The following CSMD1 variants were observed in gnomAD, a reference collection of about 807,000 sequenced individuals.
CSMD1 encodes the protein CUB and sushi domain-containing protein 1.
In CSMD1, 213 loss-of-function variants were observed where a neutral mutation model predicts 417.5. The ratio of observed to expected loss-of-function variants is 0.51; its 90% CI spans 0.46 to 0.57. The LOEUF is 0.57. Ranked by LOEUF, CSMD1 falls within the 20% of genes least tolerant of loss-of-function variation. The probability of loss-of-function intolerance (pLI) is 0.00; values close to 1 mark genes in which losing one functional copy is unlikely to be tolerated. For missense variants in CSMD1, 6,923 were observed against 4,529.7 expected, an observed-to-expected ratio of 1.53 and a Z score of -15.17; for synonymous variants, 2,862 against 1,736.8, an observed-to-expected ratio of 1.65 and a Z score of -16.11.
intron 1 of CSMD1, among the ~76,000 whole-genome samples, chr8:4,708,260 C>A (rs1271873303): frequency 6.6e-6 from 1 of 152,154 alleles, no homozygotes; most frequent in Non-Finnish European, 1.5e-5. Flanking sequence ...TTCAGTGTGA[C>A]TCTTGATTCC....
chr8:3,917,489 G>C (rs1360430710), intron 5 of CSMD1, among the ~76,000 whole-genome samples: 2 of 151,924 alleles, frequency 1.3e-5, no homozygotes, highest in Admixed American at 6.6e-5. Flanking sequence ...TGAAAGTTTT[G>C]TTAAAAGATA....
chr8:3,986,424 C>A (rs1452804550), intron 5 of CSMD1, among the ~76,000 whole-genome samples: 1 of 152,164 alleles, frequency 6.6e-6, no homozygotes, highest in East Asian at 1.9e-4. Flanking sequence ...TACGTTTCCA[C>A]TTCAAGGTGA....
intron 47 of CSMD1, among the ~76,000 whole-genome samples, chr8:3,095,977 G>C (rs1240965091): frequency 2.0e-5 from 3 of 152,012 alleles, no homozygotes; most frequent in African/African-American, 7.2e-5. Flanking sequence ...AACTCCTGTA[G>C]CATTTATCAT....
Position 3,585,272 on chromosome 8 carries a change from T to C in CSMD1, c.1222+864A>G, listed in dbSNP as rs184596163. ...TGCTTGTTGTACCTTTTTTAATAAC[T>C]AAAATGCTTAAAAGTTTAAAATGTA... is the stretch of plus-strand genomic sequence containing the variant. On this transcript the variant is annotated intron_variant, in intron 9 of 69. Coordinates refer to ENST00000635120, the MANE Select transcript of CSMD1 (RefSeq NM_033225.6). Among the ~76,000 whole-genome samples the C allele has an allele frequency of 2.6e-4, 39 of 152,328 alleles. 1 individual carries two copies. The highest frequency in any genetic ancestry group is 1.9e-3 in the East Asian group (10 of 5,180).
At chr8:3,968,931 T>A (rs549675583) in intron 5 of CSMD1, among the ~76,000 whole-genome samples, 1 of 152,154 alleles carries the variant, frequency 6.6e-6, no homozygotes, top group Admixed American at 6.5e-5. Flanking sequence ...TTTCAAGGCA[T>A]TGAAACCGAC....
chr8:4,476,032 A>G (rs1260045191), intron 2 of CSMD1, among the ~76,000 whole-genome samples: 2 of 152,088 alleles, frequency 1.3e-5, no homozygotes, highest in Admixed American at 1.3e-4. Context: ...AAAGCAATGT[A>G]TTATTTAGAA....
intron 40 of CSMD1, among the ~76,000 whole-genome samples, chr8:3,145,823 C>T (rs567979063): frequency 1.3e-5 from 2 of 152,264 alleles, no homozygotes; most frequent in East Asian, 1.9e-4. Context: ...TGAATACTTA[C>T]CTTTGGTGGA....
chr8:3,770,291 G>T (rs1272653571), intron 5 of CSMD1, among the ~76,000 whole-genome samples: 2 of 152,152 alleles, frequency 1.3e-5, no homozygotes, highest in Admixed American at 6.5e-5. Context: ...ACTTTGGGAG[G>T]CCGAGGGCGG....
At chr8:3,202,012 G>A (rs1310858188) in intron 31 of CSMD1, among the ~76,000 whole-genome samples, 1 of 152,008 alleles carries the variant, frequency 6.6e-6, no homozygotes, top group African/African-American at 2.4e-5. Context: ...ACAACATTAA[G>A]AATATATGGG....
At chr8:2,992,239 C>G (rs527240531) in intron 54 of CSMD1, among the ~76,000 whole-genome samples, 25 of 152,042 alleles carry the variant, frequency 1.6e-4, no homozygotes, top group South Asian at 4.2e-4. Flanking sequence ...ATGCCACACT[C>G]ATTGCTGGGA....
At chr8:3,153,949 G>A (rs774508965) in intron 39 of CSMD1, among the ~76,000 whole-genome samples, 1 of 152,098 alleles carries the variant, frequency 6.6e-6, no homozygotes. Context: ...CCCAAAAGAC[G>A]CATATCCATC....
Position 4,266,790 on chromosome 8 carries a change from G to C in CSMD1, c.415+153163C>G, listed in dbSNP as rs1320241260. On this transcript the variant is annotated intron_variant, in intron 3 of 69. Transcript: ENST00000635120. ...TCAAAATAGTAGCACAGAGAATCTA[G>C]ATGAAAACTTAAATAGTGGATTGTG... Among the ~76,000 whole-genome samples the C allele has an allele frequency of 2.9e-5, 3 of 104,536 alleles. 1 individual carries two copies. Among genetic ancestry groups the C allele is most frequent in the Non-Finnish European group, 5.2e-5 (2 of 38,808 alleles). The allele number at this position is 104,536 out of a possible 152,430, so 68.6% of individuals were successfully genotyped here. A position where few individuals can be genotyped will look rare whatever the true frequency, so the allele number is the denominator to read the frequency against.
chr8:3,721,818 G>C (rs1802191313), intron 6 of CSMD1, among the ~76,000 whole-genome samples: 1 of 152,078 alleles, frequency 6.6e-6, no homozygotes, highest in Admixed American at 6.5e-5. Flanking sequence ...CATTTTTTGA[G>C]AAATTAATTA....
chr8:4,590,705 G>C (rs1460246199), intron 2 of CSMD1, among the ~76,000 whole-genome samples: 2 of 152,180 alleles, frequency 1.3e-5, no homozygotes, highest in East Asian at 1.9e-4. Flanking sequence ...GCACTGAATA[G>C]ATAGATTTTT....
chr8:3,138,484 G>C (rs1818239103), intron 41 of CSMD1, among the ~76,000 whole-genome samples: 1 of 152,192 alleles, frequency 6.6e-6, no homozygotes, highest in South Asian at 2.1e-4. Flanking sequence ...CAGAAGTAGA[G>C]AGAATGGGAG....
At chr8:3,521,874 TTTGATGCCAAATTTTGTG>T (rs1797524619) in intron 10 of CSMD1, among the ~76,000 whole-genome samples, 1 of 152,184 alleles carries the variant, frequency 6.6e-6, no homozygotes. Flanking sequence ...CGCGGAACAG[TTTGATGCCAAATTTTGTG>T]TTGTCAATAA....
At chr8:4,675,380 A>T (rs1805608843) in intron 1 of CSMD1, among the ~76,000 whole-genome samples, 1 of 152,168 alleles carries the variant, frequency 6.6e-6, no homozygotes, top group South Asian at 2.1e-4. Flanking sequence ...ACAGGGCAAA[A>T]CCTTAAGTTT....
chr8:3,915,541 A>G (rs980926209), intron 5 of CSMD1, among the ~76,000 whole-genome samples: 6 of 151,886 alleles, frequency 4.0e-5, no homozygotes, highest in Non-Finnish European at 1.5e-5. Flanking sequence ...ATCAAATTCT[A>G]GCTTTAAACA....
chr8:4,518,558 T>C (rs965864214), intron 2 of CSMD1, among the ~76,000 whole-genome samples: 2 of 146,394 alleles, frequency 1.4e-5, no homozygotes, highest in African/African-American at 2.5e-5. Context: ...TAGGTGGGAA[T>C]TGAACAGTGA....
Sources: allele counts gnomAD v4.1 joint callset (sites outside exome capture counted in the v4.1 genomes callset), GRCh38; gene constraint gnomAD v4.1.1; transcripts MANE v1.5; gene names NCBI Gene and HGNC (gene_info 2026-07-23, HGNC 2026-07-21).